The following VPS16 variants were observed in gnomAD, a reference collection of about 807,000 sequenced individuals.
VPS16 encodes the protein vacuolar protein sorting-associated protein 16 homolog.
A neutral mutation model predicts 116.0 loss-of-function variants in VPS16; 82 were observed. The observed-to-expected ratio is 0.71, with a 90% CI of 0.59 to 0.85. The LOEUF (loss-of-function observed/expected upper bound fraction) is 0.85, where lower values mean the gene tolerates loss of function less well. VPS16 is among the 40% of genes least tolerant of loss of function. VPS16 has a pLI of 0.00. For synonymous variants in VPS16, 406 were observed against 420.7 expected, an observed-to-expected ratio of 0.96 and a Z score of 0.43; for missense variants, 928 against 1,090.6, an observed-to-expected ratio of 0.85 and a Z score of 2.10.
At chr20:2,859,905 C>T in intron 2 of VPS16, 98 bp downstream of exon 2, 1 of 1,466,044 alleles carries the variant, frequency 6.8e-7, no homozygotes, top group South Asian at 1.2e-5. Context: ...CTTGTTGCCA[C>T]CCCCCACTCA....
At position 2,862,881 on chromosome 20, in the gene VPS16, T is replaced by C; in HGVS notation, c.1278T>C (p.Arg426=). The change falls in exon 13 of 24, where the codon CGT becomes CGC. Residue 426 remains arginine (R), a synonymous_variant. Transcript: ENST00000380445. The stretch of plus-strand genomic sequence containing the variant: ...TCGTGCACATGTGTCAGGACCTGCG[T>C]GTGCTCAATGCTGTTCGGGACTATC... ...DSFVHMCQDL[R]VLNAVRDYHI... The C allele has an allele frequency of 6.2e-7, 1 of 1,614,114 alleles. No individual in the cohort carries two copies. Among genetic ancestry groups the C allele is most frequent in the Non-Finnish European group, 8.5e-7 (1 of 1,180,008 alleles).
intron 1 of VPS16, among the ~76,000 whole-genome samples, chr20:2,854,092 C>T (rs888465954): frequency 1.8e-4 from 28 of 152,144 alleles, no homozygotes; most frequent in African/African-American, 6.5e-4. Flanking sequence ...AAATTACTAG[C>T]TATGGCAGCT....
chr20:2,852,913 CT>C (rs2089135726), intron 1 of VPS16, among the ~76,000 whole-genome samples: 1 of 152,160 alleles, frequency 6.6e-6, no homozygotes, highest in African/African-American at 2.4e-5. Context: ...TGGGCTCTTC[CT>C]TTCATGAAAG....
intron 1 of VPS16, among the ~76,000 whole-genome samples, chr20:2,843,267 A>G (rs2089027428): frequency 6.6e-6 from 1 of 152,132 alleles, no homozygotes; most frequent in Non-Finnish European, 1.5e-5. Context: ...CCCCGTCTCT[A>G]CTAGAAATAC....
Position 2,860,490 on chromosome 20 carries a change from CACTG to C in VPS16, c.413_416del (p.Thr138SerfsTer72). 6.2e-7 allele frequency: 1 copy of C among 1,614,098 alleles called. No homozygotes were observed. The highest frequency in any genetic ancestry group is 8.5e-7 in the Non-Finnish European group (1 of 1,180,014). On this transcript the variant is annotated frameshift_variant, in exon 5 of 24. Transcript: ENST00000380445. LOFTEE classifies it high-confidence loss of function. The surrounding 1 kb of genome is among the most constrained non-coding windows in gnomAD (Gnocchi z 6.1). ...GGGTTCTGGATGCCCGGATCTTTCA[CACTG>C]AGTTTGGTTCCGGAGTGGCCATCCT...
Position 2,865,634 on chromosome 20 carries a change from C to T in VPS16, c.2271+139C>T. The T allele has an allele frequency of 1.3e-6, 1 of 790,148 alleles. No individual in the cohort carries two copies. The highest frequency in any genetic ancestry group is 2.0e-6 in the Non-Finnish European group (1 of 503,914). The allele number at this position is 790,148 out of a possible 1,614,324, so 48.9% of individuals were successfully genotyped here. A position where few individuals can be genotyped will look rare whatever the true frequency, so the allele number is the denominator to read the frequency against. On this transcript the variant is annotated intron_variant, in intron 22 of 23. Transcript: ENST00000380445. This position sits in a 1 kb window ranked among gnomAD's most constrained non-coding sequence, Gnocchi z 5.2. ...ATAGTTAGCGAGTGCTTCCTGTATA[C>T]ACATTTGTGGGCAGGCATCATCTGC...
At chr20:2,844,909 A>G (rs2089042965) in intron 1 of VPS16, among the ~76,000 whole-genome samples, 1 of 152,022 alleles carries the variant, frequency 6.6e-6, no homozygotes, top group Non-Finnish European at 1.5e-5. Context: ...TAGGGGTCAC[A>G]CGCTGCAGGG....
In VPS16 at chr20:2,840,986, GC is replaced by G. The variant is rs1427305229; in HGVS notation, c.53+160del. 4.4e-6 allele frequency: 3 copies of G among 685,512 alleles called. No homozygotes were observed. The African/African-American group carries it at 5.6e-5, about 13-fold the overall frequency. The allele number at this position is 685,512 out of a possible 1,614,324, so 42.5% of individuals were successfully genotyped here. ...CCACTTAGCGCACAGCCGCCTTTGG[GC>G]AGGGAGCCGGGCCTTCCCCTGCTCC... On this transcript the variant is annotated intron_variant, in intron 1 of 23. Coordinates refer to ENST00000380445, the MANE Select transcript of VPS16 (RefSeq NM_022575.4).
intron 12 of VPS16, 25 bp from the exon 13 acceptor site, chr20:2,862,782 C>T (rs2089249570): frequency 1.2e-6 from 2 of 1,613,422 alleles, no homozygotes; most frequent in Non-Finnish European, 1.7e-6. Flanking sequence ...GAAGCTCTCT[C>T]CTATCGCCCT....
At chr20:2,853,777 A>G (rs1475175894) in intron 1 of VPS16, among the ~76,000 whole-genome samples, 2 of 151,970 alleles carry the variant, frequency 1.3e-5, no homozygotes, top group Admixed American at 6.6e-5. Flanking sequence ...GGTTCAAGCG[A>G]TTCTCCTGCC....
Position 2,861,669 on chromosome 20 carries a change from G to A in VPS16, c.864G>A (p.Arg288=), listed in dbSNP as rs1026184789. Residue 288 remains arginine, a synonymous_variant, in exon 9 of 24, where the codon CGG becomes CGA. Transcript: ENST00000380445. ...ERAVVVAWER[R]LMVVGDAPES... is the part of the protein sequence containing the mutation. The stretch of plus-strand genomic sequence containing the variant: ...CCGTGGTGGTGGCCTGGGAAAGGCG[G>A]CTGATGGTGGTGGGCGATGCACCCG... 1.8e-5 allele frequency: 29 copies of A among 1,613,286 alleles called. No homozygotes were observed. Among genetic ancestry groups the A allele is most frequent in the Non-Finnish European group, 2.4e-5 (28 of 1,179,902 alleles).
At position 2,856,432 on chromosome 20, in the gene VPS16, T is replaced by TG. The variant is rs138089908; in HGVS notation, c.54-3286dup. On this transcript the variant is annotated intron_variant, in intron 1 of 23. Coordinates refer to ENST00000380445, the MANE Select transcript of VPS16 (RefSeq NM_022575.4). ...GACACAGAGACATGAAGTGAGCACA[T>TG]GCAGTTGGAAAAATGACGCTGATAG... Among the ~76,000 whole-genome samples, 769 of 152,330 alleles carry TG rather than the reference T, an allele frequency of 5.0e-3. 5 individuals are homozygous for TG. The highest frequency in any genetic ancestry group is 0.017 in the African/African-American group (710 of 41,580).
At chr20:2,850,978 A>AG (rs1555796374) in intron 1 of VPS16, among the ~76,000 whole-genome samples, 5 of 151,164 alleles carry the variant, frequency 3.3e-5, no homozygotes, top group East Asian at 1.9e-4. Context: ...AAAAAAAAAA[A>AG]AAAAAGAAAA....
intron 1 of VPS16, among the ~76,000 whole-genome samples, chr20:2,844,357 T>G (rs528172413): frequency 3.9e-5 from 6 of 152,094 alleles, no homozygotes; most frequent in Admixed American, 6.6e-5. Context: ...GTATTGGGAG[T>G]AGTATTCTGG....
chr20:2,845,007 G>T (rs1026722233), intron 1 of VPS16, among the ~76,000 whole-genome samples: 1 of 144,014 alleles, frequency 6.9e-6, no homozygotes, highest in Non-Finnish European at 1.5e-5. Context: ...ATTTGCAAGG[G>T]GTGTGTGTGT....
At chr20:2,845,335 G>T (rs1023420425) in intron 1 of VPS16, among the ~76,000 whole-genome samples, 8 of 152,070 alleles carry the variant, frequency 5.3e-5, no homozygotes, top group African/African-American at 1.7e-4. Flanking sequence ...CGTGAGTTTG[G>T]CAGGGAAGGA....
chr20:2,863,257 CTCCTTGTA>C lies in VPS16; in HGVS notation c.1368-27_1368-20del, dbSNP rs748159420. 2 of 1,613,550 alleles carry C rather than the reference CTCCTTGTA, an allele frequency of 1.2e-6. No individual in the cohort carries two copies. The highest frequency in any genetic ancestry group is 1.7e-6 in the Non-Finnish European group (2 of 1,179,554). The stretch of plus-strand genomic sequence containing the variant: ...TCTGCTCCCTTTCTCCTCCACCTCA[CTCCTTGTA>C]TCCTTTACCCACCGGGTCTACCAGG... On this transcript the variant is annotated intron_variant, in intron 14 of 23. Coordinates refer to ENST00000380445, the MANE Select transcript of VPS16 (RefSeq NM_022575.4). The surrounding 1 kb of genome is among the most constrained non-coding windows in gnomAD (Gnocchi z 4.4).
At position 2,865,017 on chromosome 20, in the gene VPS16, G is replaced by A. The variant is rs1218932422; in HGVS notation, c.1966G>A (p.Asp656Asn). The A allele has an allele frequency of 8.7e-6, 14 of 1,614,020 alleles. No homozygotes were observed. Among genetic ancestry groups the A allele is most frequent in the Middle Eastern group, 1.6e-4 (1 of 6,084 alleles). ...GRVAALQTAA[D>N]AFYKAKNEFA... Reference sequence around the variant, plus strand: ...AGTAGCAGCTCTGCAGACAGCCGCCGATGCCTTCTACAAGGCCAAGAATGA... The same window carrying A: ...AGTAGCAGCTCTGCAGACAGCCGCCAATGCCTTCTACAAGGCCAAGAATGA... The change falls in exon 20 of 24, where the codon GAT (aspartate) becomes AAT (asparagine). Residue 656 changes from aspartate to asparagine, a missense_variant. Coordinates refer to ENST00000380445, the MANE Select transcript of VPS16 (RefSeq NM_022575.4). This position sits in a 1 kb window ranked among gnomAD's most constrained non-coding sequence, Gnocchi z 5.2.
rs773315467 is a variant in VPS16, at chr20:2,863,138, G to C, written c.1367+38G>C. Reference sequence around the variant, plus strand: ...CAAGGGTGCAGTGAGCGGGCTGTCAGGGGGGTGGGCATTACAGCCTTGGGT... The same window carrying C: ...CAAGGGTGCAGTGAGCGGGCTGTCACGGGGGTGGGCATTACAGCCTTGGGT... On this transcript the variant is annotated intron_variant, in intron 14 of 23. Transcript: ENST00000380445. The surrounding 1 kb of genome is among the most constrained non-coding windows in gnomAD (Gnocchi z 4.4). 5 of 1,613,006 alleles carry C rather than the reference G, an allele frequency of 3.1e-6. No individual in the cohort carries two copies. Among genetic ancestry groups the C allele is most frequent in the Admixed American group, 1.7e-5 (1 of 59,990 alleles).
Sources: allele counts gnomAD v4.1 joint callset (sites outside exome capture counted in the v4.1 genomes callset), GRCh38; gene constraint gnomAD v4.1.1; non-coding constraint Gnocchi (gnomAD v3.1); transcripts MANE v1.5; gene names NCBI Gene and HGNC (gene_info 2026-07-23, HGNC 2026-07-21).